Variants in COL11A1 observed in about 807,000 individuals in gnomAD.
COL11A1 encodes the protein collagen alpha-1(XI) chain.
In COL11A1, 74 loss-of-function variants were observed where a neutral mutation model predicts 265.2. The ratio of observed to expected loss-of-function variants is 0.28; its 90% CI spans 0.23 to 0.34. The LOEUF (loss-of-function observed/expected upper bound fraction) is 0.34. Ranked by LOEUF, COL11A1 falls within the 10% of genes least tolerant of loss-of-function variation. COL11A1 has a pLI of 1.00. For missense variants in COL11A1, 2,165 were observed against 2,263.6 expected, an observed-to-expected ratio of 0.96 and a Z score of 0.88; for synonymous variants, 816 against 727.6, an observed-to-expected ratio of 1.12 and a Z score of -1.96.
chr1:102,933,956 G>A (rs1009074387), intron 46 of COL11A1, among the ~76,000 whole-genome samples: 2 of 151,342 alleles, frequency 1.3e-5, no homozygotes, highest in Middle Eastern at 3.2e-3. Flanking sequence ...GCTCGCACAC[G>A]GTGCGCGCAC....
intron 6 of COL11A1, 119 bp downstream of exon 6, chr1:103,026,097 G>T: frequency 1.7e-6 from 2 of 1,190,382 alleles, no homozygotes; most frequent in Non-Finnish European, 2.5e-6. Flanking sequence ...CACAGTTATT[G>T]GTTCAGAGAA....
At chr1:102,959,228 T>G (rs1660654063) in intron 41 of COL11A1, among the ~76,000 whole-genome samples, 1 of 152,226 alleles carries the variant, frequency 6.6e-6, no homozygotes, top group South Asian at 2.1e-4. Flanking sequence ...ATCTTGCAAT[T>G]TCAGAGCTTC....
chr1:102,940,188 CA>C (rs1212182287), intron 43 of COL11A1, 138 bp downstream of exon 43: 1 of 708,286 alleles, frequency 1.4e-6, no homozygotes, highest in Non-Finnish European at 2.5e-6. Flanking sequence ...AACTTTTGAG[CA>C]TATGAAAATG....
chr1:102,940,321 A>G lies in COL11A1; in HGVS notation c.3384+6T>C. ...GGATCTACTAACACGAATAATGAATACCAACCTTGTCTCCGTCTTCCCCAG... is the reference window on the plus strand; with the variant it reads ...GGATCTACTAACACGAATAATGAATGCCAACCTTGTCTCCGTCTTCCCCAG... On this transcript the variant is annotated splice_donor_region_variant and intron_variant, in intron 43 of 66. Transcript: ENST00000370096. The G allele has an allele frequency of 6.2e-7, 1 of 1,609,808 alleles. No individual in the cohort carries two copies. The highest frequency in any genetic ancestry group is 1.7e-5 in the Admixed American group (1 of 59,966).
chr1:103,045,413 T>A (rs1375087444), intron 4 of COL11A1, among the ~76,000 whole-genome samples: 4 of 152,084 alleles, frequency 2.6e-5, no homozygotes, highest in East Asian at 3.9e-4. Context: ...TAAAGGCTCT[T>A]GCAATTATCC....
intron 45 of COL11A1, 142 bp downstream of exon 45, chr1:102,934,918 T>G: frequency 1.3e-6 from 1 of 777,578 alleles, no homozygotes. Flanking sequence ...GCTAGCTATA[T>G]TTGATAATTT....
rs1651087245 is a variant in COL11A1, at chr1:102,887,075, G to A, written c.4609-19C>T. On this transcript the variant is annotated intron_variant, in intron 62 of 66. Coordinates refer to ENST00000370096, the MANE Select transcript of COL11A1 (RefSeq NM_001854.4). ...GTGGACCCTGTAAAGAAGATAATGTGAGTGCAATTGTTTCATAAAGTGGAA... is the reference window on the plus strand; with the variant it reads ...GTGGACCCTGTAAAGAAGATAATGTAAGTGCAATTGTTTCATAAAGTGGAA... The A allele has an allele frequency of 1.9e-6, 3 of 1,613,092 alleles. No individual in the cohort carries two copies. The highest frequency in any genetic ancestry group is 2.7e-5 in the African/African-American group (2 of 74,870).
intron 49 of COL11A1, among the ~76,000 whole-genome samples, chr1:102,919,602 G>T (rs576308104): frequency 6.6e-6 from 1 of 151,620 alleles, no homozygotes; most frequent in African/African-American, 2.4e-5. Context: ...TTTAAAGCAC[G>T]CAAATATCCA....
intron 63 of COL11A1, among the ~76,000 whole-genome samples, chr1:102,884,154 C>T (rs1248278882): frequency 6.6e-6 from 1 of 152,180 alleles, no homozygotes; most frequent in African/African-American, 2.4e-5. Context: ...CAGTTTTTCT[C>T]TGACCTCTGC....
Position 102,934,521 on chromosome 1 carries a change from C to A in COL11A1, c.3528G>T (p.Gln1176His), listed in dbSNP as rs755406698. 6.2e-7 allele frequency: 1 copy of A among 1,614,148 alleles called. No homozygotes were observed. The highest frequency in any genetic ancestry group is 8.5e-7 in the Non-Finnish European group (1 of 1,180,020). The change falls in exon 46 of 67, where the codon CAG becomes CAT. Residue 1176 changes from glutamine to histidine, a missense_variant. By Grantham distance (24) the Gln-to-His change is conservative (BLOSUM62 0). Transcript: ENST00000370096. ...CATCACCTTTTTGCCCAAACATCCC[C>A]TGCTGTCCTCTAGGACCTGGTTCAC... is the stretch of plus-strand genomic sequence containing the variant. ...GDGEPGPRGQ[Q>H]GMFGQKGDEG...
intron 37 of COL11A1, among the ~76,000 whole-genome samples, chr1:102,969,807 A>G (rs569374522): frequency 6.6e-6 from 1 of 152,290 alleles, no homozygotes; most frequent in African/African-American, 2.4e-5. Flanking sequence ...AGATAAAAGA[A>G]TGTGGTATTA....
intron 31 of COL11A1, among the ~76,000 whole-genome samples, chr1:102,982,118 TAATA>T (rs1663098411): frequency 6.6e-6 from 1 of 151,854 alleles, no homozygotes; most frequent in South Asian, 2.1e-4. Flanking sequence ...ATCATAGAAA[TAATA>T]AATGAGTTAT....
intron 35 of COL11A1, among the ~76,000 whole-genome samples, chr1:102,976,853 G>T (rs1226943060): frequency 2.0e-5 from 3 of 151,818 alleles, no homozygotes; most frequent in Non-Finnish European, 4.4e-5. Flanking sequence ...TTCCATTTTT[G>T]TTTTGTTTTC....
Position 103,046,280 on chromosome 1 carries a change from T to G in COL11A1, c.652-15036A>C, listed in dbSNP as rs1322452772. Among the ~76,000 whole-genome samples, 47 of 11,570 alleles carry G rather than the reference T, an allele frequency of 4.1e-3. 1 individual carries two copies. The highest frequency in any genetic ancestry group is 8.0e-3 in the Admixed American group (6 of 746). 7.6% of individuals were successfully genotyped at this position (11,570 alleles called of 152,430 possible). ...TTTCTCCACATCCTCTCCAGCACCT[T>G]TTTAATGATTGCCATTCTAACTGGT... On this transcript the variant is annotated intron_variant, in intron 4 of 66. Transcript: ENST00000370096.
In COL11A1 at chr1:102,944,165, A is replaced by T. The variant is rs1031807179; in HGVS notation, c.3276+2684T>A. On this transcript the variant is annotated intron_variant, in intron 42 of 66. Transcript: ENST00000370096. ...TAATGCAAATGTAAACCTGCTGATA[A>T]CTGCATAACATTTTTATAAGATAAG... Among the ~76,000 whole-genome samples, 6 of 152,280 alleles carry T rather than the reference A, an allele frequency of 3.9e-5. No individual in the cohort carries two copies. The East Asian group carries it at 7.7e-4, about 20-fold the overall frequency.
At chr1:102,903,956 G>A (rs536158671) in intron 54 of COL11A1, among the ~76,000 whole-genome samples, 1 of 152,158 alleles carries the variant, frequency 6.6e-6, no homozygotes, top group South Asian at 2.1e-4. Context: ...TCGAACTCCT[G>A]GGCTCAAGCT....
Position 103,101,936 on chromosome 1 carries a change from CAAAG to C in COL11A1, c.106+6133_106+6136del, listed in dbSNP as rs563421992. ...TGTCTCTAATTCCATGCGCAGCAAG[CAAAG>C]AGTTTATTTTACCAGATAACAGTAG... is the stretch of plus-strand genomic sequence containing the variant. On this transcript the variant is annotated intron_variant, in intron 1 of 66. Transcript: ENST00000370096. Among the ~76,000 whole-genome samples the C allele has an allele frequency of 3.2e-3, 489 of 152,074 alleles. 1 individual carries two copies. Among genetic ancestry groups the C allele is most frequent in the Non-Finnish European group, 5.8e-3 (391 of 67,934 alleles).
chr1:102,974,781 A>G, intron 36 of COL11A1, 49 bp downstream of exon 36: 1 of 1,427,382 alleles, frequency 7.0e-7, no homozygotes, highest in Non-Finnish European at 9.9e-7. Context: ...ACTCTCAAAA[A>G]TGTAAAAATA....
chr1:103,067,501 G>A (rs775216035), intron 4 of COL11A1, among the ~76,000 whole-genome samples: 1 of 151,772 alleles, frequency 6.6e-6, no homozygotes, highest in Non-Finnish European at 1.5e-5. Context: ...AGAGAAATGT[G>A]TAATTTTAAA....
Sources: allele counts gnomAD v4.1 joint callset (sites outside exome capture counted in the v4.1 genomes callset), GRCh38; gene constraint gnomAD v4.1.1; transcripts MANE v1.5; gene names NCBI Gene and HGNC (gene_info 2026-07-23, HGNC 2026-07-21).